Variants in CERS3 observed in about 807,000 individuals in gnomAD.
CERS3 encodes LAG1 homolog, ceramide synthase 3.
Under a neutral mutation model 50.3 loss-of-function variants are expected in CERS3, and 33 were observed. The observed-to-expected ratio is 0.66, with a 90% CI of 0.50 to 0.88. CERS3 has a LOEUF of 0.88. Ranked by LOEUF, CERS3 falls within the 40% of genes least tolerant of loss-of-function variation. The pLI, the probability that CERS3 is intolerant of heterozygous loss-of-function variation, is 0.00. For missense variants in CERS3, 470 were observed against 460.3 expected, an observed-to-expected ratio of 1.02 and a Z score of -0.19; for synonymous variants, 176 against 155.2, an observed-to-expected ratio of 1.13 and a Z score of -0.99.
chr15:100,465,070 C>T (rs1287495539), intron 10 of CERS3, among the ~76,000 whole-genome samples: 1 of 152,084 alleles, frequency 6.6e-6, no homozygotes, highest in Admixed American at 6.6e-5. Flanking sequence ...CTCAAGGCTT[C>T]CAGACAAATC....
intron 1 of CERS3, among the ~76,000 whole-genome samples, chr15:100,527,221 C>A (rs1266147479): frequency 1.3e-5 from 2 of 152,168 alleles, no homozygotes; most frequent in Non-Finnish European, 2.9e-5. Flanking sequence ...CGCTTGAACC[C>A]AGGAGGCAGA....
intron 10 of CERS3, among the ~76,000 whole-genome samples, chr15:100,467,484 A>G (rs933782637): frequency 6.6e-6 from 1 of 152,048 alleles, no homozygotes; most frequent in African/African-American, 2.4e-5. Flanking sequence ...AAACTTGCAA[A>G]AAAGATCATA....
chr15:100,491,122 T>TA lies in CERS3; in HGVS notation c.174-192dup, dbSNP rs138738369. On this transcript the variant is annotated intron_variant, in intron 3 of 11. Transcript: ENST00000679737. The stretch of plus-strand genomic sequence containing the variant: ...TCAGTCCATACAAAAAAGCAATGAT[T>TA]AAAAAAAAAACACTTGCACAATTCT... 0.036 allele frequency among the ~76,000 whole-genome samples: 5,399 copies of TA among 147,934 alleles called. 157 individuals are homozygous for TA. The highest frequency in any genetic ancestry group is 0.05 in the Non-Finnish European group (3,335 of 66,622).
At chr15:100,490,467 C>T (rs912101741) in intron 4 of CERS3, among the ~76,000 whole-genome samples, 7 of 152,116 alleles carry the variant, frequency 4.6e-5, no homozygotes, top group South Asian at 2.1e-4. Context: ...ATATGGGCTT[C>T]TCTGCCCTAA....
chr15:100,473,394 AG>A (rs1410875975), intron 8 of CERS3, among the ~76,000 whole-genome samples: 2 of 152,236 alleles, frequency 1.3e-5, no homozygotes, highest in African/African-American at 4.8e-5. Context: ...AAGAAAAAAA[AG>A]ATTGATATAA....
intron 11 of CERS3, among the ~76,000 whole-genome samples, chr15:100,424,432 TG>T (rs1284085422): frequency 1.3e-5 from 2 of 152,158 alleles, no homozygotes; most frequent in Non-Finnish European, 2.9e-5. Flanking sequence ...CCTAGAGACT[TG>T]TTGAATGGTT....
At chr15:100,504,452 A>C (rs1173264080) in intron 2 of CERS3, among the ~76,000 whole-genome samples, 2 of 152,068 alleles carry the variant, frequency 1.3e-5, no homozygotes, top group Non-Finnish European at 1.5e-5. Context: ...CATGTTGGTC[A>C]GTCTGGTCTT....
intron 11 of CERS3, among the ~76,000 whole-genome samples, chr15:100,440,699 C>A (rs532362549): frequency 6.6e-6 from 1 of 152,240 alleles, no homozygotes; most frequent in African/African-American, 2.4e-5. Flanking sequence ...GATCCACCTA[C>A]GACCTCAGGT....
intron 1 of CERS3, among the ~76,000 whole-genome samples, chr15:100,539,799 A>G (rs2037156415): frequency 6.6e-6 from 1 of 152,166 alleles, no homozygotes; most frequent in Admixed American, 6.5e-5. Flanking sequence ...TCAAAACTGA[A>G]TGCATTTCCC....
chr15:100,515,617 A>G (rs2036467175), intron 2 of CERS3, among the ~76,000 whole-genome samples: 1 of 147,990 alleles, frequency 6.8e-6, no homozygotes. Context: ...AGAGGGGTGT[A>G]AAGCAAAGTC....
intron 10 of CERS3, among the ~76,000 whole-genome samples, chr15:100,467,767 CTCTA>C (rs1567639709): frequency 1.9e-5 from 2 of 105,064 alleles, no homozygotes; most frequent in Admixed American, 9.4e-5. Flanking sequence ...CTCTCTCTCT[CTCTA>C]TATATATATA....
chr15:100,510,262 A>G (rs985772952), intron 2 of CERS3, among the ~76,000 whole-genome samples: 1 of 152,196 alleles, frequency 6.6e-6, no homozygotes, highest in Non-Finnish European at 1.5e-5. Context: ...GCCTTAGGCT[A>G]TAACTGTAAA....
intron 7 of CERS3, among the ~76,000 whole-genome samples, chr15:100,477,688 A>C (rs2035175568): frequency 6.6e-6 from 1 of 152,212 alleles, no homozygotes; most frequent in Non-Finnish European, 1.5e-5. Context: ...AGCAGTATGG[A>C]GCCCAGAGAC....
chr15:100,430,427 A>C (rs1444199258), intron 11 of CERS3, among the ~76,000 whole-genome samples: 1 of 152,246 alleles, frequency 6.6e-6, no homozygotes, highest in Non-Finnish European at 1.5e-5. Context: ...CTAAATGAAC[A>C]ATCTTTGCCC....
intron 11 of CERS3, among the ~76,000 whole-genome samples, chr15:100,431,767 T>C (rs901101945): frequency 9.2e-5 from 14 of 152,216 alleles, no homozygotes; most frequent in African/African-American, 1.4e-4. Context: ...CTCACCTCTG[T>C]AGATTTAACT....
chr15:100,488,025 A>C (rs755197955), intron 4 of CERS3, among the ~76,000 whole-genome samples: 23 of 152,236 alleles, frequency 1.5e-4, no homozygotes, highest in Non-Finnish European at 2.4e-4. Context: ...TCTGTTGGTC[A>C]GAGTTGTTGG....
In CERS3 at chr15:100,479,473, A is replaced by C; in HGVS notation, c.471T>G (p.Pro157=). 6.3e-7 allele frequency: 1 copy of C among 1,597,442 alleles called. No homozygotes were observed. Among genetic ancestry groups the C allele is most frequent in the Non-Finnish European group, 8.5e-7 (1 of 1,174,832 alleles). Residue 157 remains proline, a synonymous_variant, in exon 7 of 12, where the codon CCT becomes CCG. Transcript: ENST00000679737. ...AAACCTCCCATAAGTCATATAGCCA[A>C]GGTTTCTGAAAGAAGAAAAAAAAAA... The part of the protein sequence containing the change: ...VAGIAFLYDK[P]WLYDLWEVWN...
In CERS3 at chr15:100,460,898, G is replaced by A. The variant is rs1278956486; in HGVS notation, c.846-4852C>T. Among the ~76,000 whole-genome samples the A allele has an allele frequency of 2.6e-5, 4 of 152,174 alleles. No individual in the cohort carries two copies. The East Asian group carries it at 7.7e-4, about 29-fold the overall frequency. On this transcript the variant is annotated intron_variant, in intron 10 of 11. Coordinates refer to ENST00000679737, the MANE Select transcript of CERS3 (RefSeq NM_001378789.1). ...TGTAAAGAAAGAAAGAAAATGACAG[G>A]GCATATGGCAGGGTTCTACATGTAC...
chr15:100,402,639 G>C lies in CERS3; in HGVS notation c.*74C>G. The C allele has an allele frequency of 2.0e-6, 3 of 1,486,654 alleles. No individual in the cohort carries two copies. Among genetic ancestry groups the C allele is most frequent in the Non-Finnish European group, 2.8e-6 (3 of 1,089,904 alleles). 92.1% of individuals were successfully genotyped at this position (1,486,654 alleles called of 1,614,324 possible). ...GAGGGAAGGGCAGAATGTGGGGTCG[G>C]TGTGGGGCCTGGAAGCCAGGCTGCC... On this transcript the variant is annotated 3_prime_UTR_variant, in exon 12 of 12. Coordinates refer to ENST00000679737, the MANE Select transcript of CERS3 (RefSeq NM_001378789.1).
Sources: allele counts gnomAD v4.1 joint callset (sites outside exome capture counted in the v4.1 genomes callset), GRCh38; gene constraint gnomAD v4.1.1; transcripts MANE v1.5; gene names NCBI Gene and HGNC (gene_info 2026-07-23, HGNC 2026-07-21).